The following NEK7 variants were observed in gnomAD, a reference collection of about 807,000 sequenced individuals.
NEK7 encodes serine/threonine-protein kinase Nek7.
A neutral mutation model predicts 44.6 loss-of-function variants in NEK7; 18 were observed. The ratio of observed to expected loss-of-function variants is 0.40; its 90% CI spans 0.28 to 0.60. NEK7 has a LOEUF of 0.60. NEK7 is among the 20% of genes least tolerant of loss of function. The probability of loss-of-function intolerance (pLI) is 0.38; values close to 1 mark genes in which losing one functional copy is unlikely to be tolerated. For missense variants in NEK7, 256 were observed against 366.5 expected (o/e 0.70, Z 2.46); for synonymous variants, 130 against 121.1 (o/e 1.07, Z -0.48).
At chr1:198,197,116 C>T (rs1170834850) in intron 1 of NEK7, among the ~76,000 whole-genome samples, 1 of 152,142 alleles carries the variant, frequency 6.6e-6, no homozygotes, top group Non-Finnish European at 1.5e-5. Context: ...GTACTTGGCA[C>T]ATAGTAGTAT....
At chr1:198,310,309 G>A (rs374266939) in intron 9 of NEK7, among the ~76,000 whole-genome samples, 11 of 151,896 alleles carry the variant, frequency 7.2e-5, no homozygotes, top group East Asian at 3.9e-4. Flanking sequence ...TTTTCTTGTA[G>A]ATTTGTTTGA....
chr1:198,189,250 C>T (rs1423014383), intron 1 of NEK7, among the ~76,000 whole-genome samples: 6 of 151,996 alleles, frequency 3.9e-5, no homozygotes, highest in African/African-American at 1.4e-4. Flanking sequence ...TTTTTAAAAA[C>T]GTTGTTATTT....
chr1:198,215,865 A>G (rs1320542975), intron 1 of NEK7, among the ~76,000 whole-genome samples: 2 of 152,160 alleles, frequency 1.3e-5, no homozygotes, highest in Non-Finnish European at 2.9e-5. Context: ...AGATATAACA[A>G]TCCTAAACAT....
chr1:198,257,067 A>C (rs1341233628), intron 3 of NEK7, among the ~76,000 whole-genome samples: 2 of 152,138 alleles, frequency 1.3e-5, no homozygotes, highest in Admixed American at 1.3e-4. Flanking sequence ...TTTGTTCATT[A>C]ATGCTTAATT....
chr1:198,237,561 C>T (rs1184113306), intron 2 of NEK7, among the ~76,000 whole-genome samples: 2 of 152,176 alleles, frequency 1.3e-5, no homozygotes, highest in African/African-American at 2.4e-5. Context: ...ATACCAGAGG[C>T]CGAATCTTTA....
intron 1 of NEK7, among the ~76,000 whole-genome samples, chr1:198,178,070 C>T (rs1019662596): frequency 6.6e-6 from 1 of 151,970 alleles, no homozygotes; most frequent in Non-Finnish European, 1.5e-5. Context: ...GTGCTGCTTT[C>T]AAAAGATATT....
At chr1:198,231,260 G>T (rs1156789628) in intron 1 of NEK7, among the ~76,000 whole-genome samples, 1 of 138,638 alleles carries the variant, frequency 7.2e-6, no homozygotes, top group African/African-American at 2.7e-5. Context: ...GGAAAGTGCA[G>T]ATACCTATAT....
At chr1:198,172,045 T>C (rs1317122597) in intron 1 of NEK7, among the ~76,000 whole-genome samples, 1 of 152,232 alleles carries the variant, frequency 6.6e-6, no homozygotes, top group Non-Finnish European at 1.5e-5. Flanking sequence ...GGAATTGCCT[T>C]AGTTCTTTTT....
At position 198,157,889 on chromosome 1, in the gene NEK7, T is replaced by C. The variant is rs375199709; in HGVS notation, c.-29+613T>C. ...AGGGATTGCGAGGCAATAGCGAACA[T>C]TGCTGGTGATGGTGGCAATGGAAAA... On this transcript the variant is annotated intron_variant, in intron 1 of 9. Coordinates refer to ENST00000367385, the MANE Select transcript of NEK7 (RefSeq NM_133494.3). 7.9e-5 allele frequency among the ~76,000 whole-genome samples: 12 copies of C among 152,252 alleles called. No individual in the cohort carries two copies. The East Asian group carries it at 1.4e-3, about 17-fold the overall frequency.
intron 9 of NEK7, among the ~76,000 whole-genome samples, chr1:198,301,442 CG>C (rs1395138398): frequency 1.3e-5 from 2 of 152,056 alleles, no homozygotes; most frequent in Non-Finnish European, 2.9e-5. Flanking sequence ...CCCAGCTACT[CG>C]GGAGGCTGAG....
intron 4 of NEK7, 133 bp from the exon 5 acceptor site, chr1:198,263,992 A>G: frequency 2.5e-6 from 2 of 810,046 alleles, no homozygotes; most frequent in Non-Finnish European, 1.7e-6. Context: ...TTCACTAAAG[A>G]AAAGTATACT....
chr1:198,277,900 A>G, intron 5 of NEK7, 61 bp from the exon 6 acceptor site: 2 of 914,308 alleles, frequency 2.2e-6, no homozygotes, highest in Non-Finnish European at 3.5e-6. Context: ...ATTTTTGCTT[A>G]CCAGAATCCA....
At chr1:198,230,188 G>A (rs1666344838) in intron 1 of NEK7, among the ~76,000 whole-genome samples, 2 of 152,056 alleles carry the variant, frequency 1.3e-5, no homozygotes, top group African/African-American at 4.8e-5. Context: ...GGAATATCTT[G>A]TGAAACTGTC....
rs185900088 is a variant in NEK7 at position 198,200,610 on chromosome 1, G to A, written c.-28-31943G>A. Among the ~76,000 whole-genome samples, 279 of 151,348 alleles carry A rather than the reference G, an allele frequency of 1.8e-3. 5 individuals carry two copies. Among genetic ancestry groups the A allele is most frequent in the Non-Finnish European group, 6.2e-4 (42 of 67,800 alleles). On this transcript the variant is annotated intron_variant, in intron 1 of 9. Transcript: ENST00000367385. ...CTGTTGCCCAGGCTGGAGTGCAGTG[G>A]CATGATCTTGGCTAACTGCAACCTC...
At chr1:198,237,604 TCTC>T (rs1257467172) in intron 2 of NEK7, among the ~76,000 whole-genome samples, 1 of 152,214 alleles carries the variant, frequency 6.6e-6, no homozygotes, top group Non-Finnish European at 1.5e-5. Context: ...CTTCTTTTCT[TCTC>T]CACTGCTGCT....
At chr1:198,283,028 A>G (rs1654255231) in intron 7 of NEK7, among the ~76,000 whole-genome samples, 1 of 152,106 alleles carries the variant, frequency 6.6e-6, no homozygotes, top group Non-Finnish European at 1.5e-5. Context: ...ATTTAAACTG[A>G]GATGTAAAGG....
intron 3 of NEK7, among the ~76,000 whole-genome samples, chr1:198,256,698 G>A (rs1653278300): frequency 6.6e-6 from 1 of 152,092 alleles, no homozygotes; most frequent in Admixed American, 6.6e-5. Flanking sequence ...GGATTCTAGT[G>A]GGGGTACAAC....
intron 1 of NEK7, among the ~76,000 whole-genome samples, chr1:198,162,029 A>C (rs550920586): frequency 5.3e-5 from 8 of 152,228 alleles, no homozygotes; most frequent in African/African-American, 1.9e-4. Flanking sequence ...CCAGTAAAAA[A>C]TATTGGAAAG....
chr1:198,192,469 G>A (rs1392591670), intron 1 of NEK7, among the ~76,000 whole-genome samples: 2 of 151,998 alleles, frequency 1.3e-5, no homozygotes, highest in African/African-American at 4.8e-5. Context: ...AGGGTTGAAT[G>A]AAAGATTACT....
Sources: gnomAD v4.1 joint callset for allele counts (sites outside exome capture counted in the v4.1 genomes callset) on GRCh38, gnomAD v4.1.1 for gene constraint, MANE v1.5 for transcripts, NCBI Gene and HGNC (gene_info 2026-07-23, HGNC 2026-07-21) for gene names.